PSG9: variants seen among roughly 807,000 people sequenced by gnomAD.
PSG9 encodes pregnancy-specific beta-1-glycoprotein 9.
A neutral mutation model predicts 41.9 loss-of-function variants in PSG9; 49 were observed. The observed-to-expected ratio is 1.17, with a 90% CI of 0.93 to 1.48. The LOEUF (loss-of-function observed/expected upper bound fraction) is 1.48. PSG9 is among the 40% of genes most tolerant of loss of function. PSG9 has a pLI of 0.00. For synonymous variants in PSG9, 263 were observed against 196.8 expected, an observed-to-expected ratio of 1.34 and a Z score of -2.82; for missense variants, 641 against 520.3, an observed-to-expected ratio of 1.23 and a Z score of -2.26.
intron 2 of PSG9, among the ~76,000 whole-genome samples, chr19:43,264,789 A>T (rs1378784930): frequency 1.3e-5 from 2 of 152,122 alleles, no homozygotes; most frequent in Non-Finnish European, 2.9e-5. Context: ...GACTTTTGAG[A>T]TTGTTCAGCT....
At chr19:43,253,861 T>C (rs1312158667) in intron 5 of PSG9, among the ~76,000 whole-genome samples, 1 of 146,530 alleles carries the variant, frequency 6.8e-6, no homozygotes, top group African/African-American at 2.6e-5. Flanking sequence ...TTTCTCTTTC[T>C]TTTTCACAGG....
intron 2 of PSG9, among the ~76,000 whole-genome samples, chr19:43,266,609 A>T (rs1052258929): frequency 2.0e-5 from 3 of 151,830 alleles, no homozygotes; most frequent in African/African-American, 4.8e-5. Context: ...TTTTGCACTG[A>T]CTCTGATGGT....
At position 43,257,453 on chromosome 19, in the gene PSG9, A is replaced by G; in HGVS notation, c.1243+749T>C. 5.1e-6 allele frequency: 5 copies of G among 977,250 alleles called. 1 individual carries two copies. The highest frequency in any genetic ancestry group is 3.6e-6 in the Non-Finnish European group (3 of 827,782). The allele number at this position is 977,250 out of a possible 1,614,324, so 60.5% of individuals were successfully genotyped here. ...AATCTCCCTATTCCTCCAGCTCTGC[A>G]TCAGTCACTGTCCTCCGTGCTGTGT... On this transcript the variant is annotated intron_variant, in intron 5 of 5. Transcript: ENST00000270077.
intron 1 of PSG9, 30 bp from the exon 2 acceptor site, chr19:43,268,179 TTGAGACCTATGTATTGTGG>T (rs1479755955): frequency 6.4e-7 from 1 of 1,569,264 alleles, no homozygotes; most frequent in Admixed American, 1.8e-5. Flanking sequence ...TCAGTTAATA[TTGAGACCTATGTATTGTGG>T]TGAAAAGATG....
chr19:43,267,935 AG>A lies in PSG9; in HGVS notation c.278del (p.Pro93LeufsTer16). On this transcript the variant is annotated frameshift_variant, in exon 2 of 6. Transcript: ENST00000270077. LOFTEE classifies it high-confidence loss of function. ...IVDGKIIIYG[P>X]AYSGRETVYS... ...ATACTGTTTCTCTTCCACTGTATGC[AG>A]GCCCATATATAATTATTTTACCATC... 6.2e-7 allele frequency: 1 copy of A among 1,613,752 alleles called. No individual in the cohort carries two copies. The highest frequency in any genetic ancestry group is 8.5e-7 in the Non-Finnish European group (1 of 1,179,754).
intron 2 of PSG9, 68 bp downstream of exon 2, chr19:43,267,716 A>G: frequency 6.2e-7 from 1 of 1,602,344 alleles, no homozygotes; most frequent in Non-Finnish European, 8.5e-7. Context: ...AGGCCTGACA[A>G]TCCTGTGTGT....
chr19:43,258,066 T>A, intron 5 of PSG9, 136 bp downstream of exon 5: 1 of 1,585,952 alleles, frequency 6.3e-7, no homozygotes, highest in Non-Finnish European at 8.5e-7. Flanking sequence ...ATTGGGAGGG[T>A]TCAGGAGGAG....
Position 43,269,364 on chromosome 19 carries a change from T to G in PSG9, c.64+4A>C. The G allele has an allele frequency of 6.2e-7, 1 of 1,613,460 alleles. No individual in the cohort carries two copies. The highest frequency in any genetic ancestry group is 8.5e-7 in the Non-Finnish European group (1 of 1,179,604). ...TGTCCTCTCCCAGGAAGTTCTCTCC[T>G]CACCTGTGAGCAGGAGCCCCTTCCA... On this transcript the variant is annotated splice_donor_region_variant and intron_variant, in intron 1 of 5. Transcript: ENST00000270077.
intron 3 of PSG9, 40 bp downstream of exon 3, chr19:43,261,820 G>A (rs764715432): frequency 6.2e-7 from 1 of 1,614,026 alleles, no homozygotes; most frequent in Admixed American, 1.7e-5. Context: ...TGTGTATTTG[G>A]GATGGCAGCC....
intron 2 of PSG9, among the ~76,000 whole-genome samples, chr19:43,263,215 G>A (rs1968809481): frequency 6.6e-6 from 1 of 152,136 alleles, no homozygotes; most frequent in Non-Finnish European, 1.5e-5. Context: ...GTTGTTCCGT[G>A]GGTGTGCAGT....
rs1222376994 is a variant in PSG9 at position 43,254,854 on chromosome 19, C to A, written c.1244-1208G>T. ...TTTTAATCCTAGCACTTTGGGAGGT[C>A]ACAGCAGAAGGATTTCTTGAGACCA... is the stretch of plus-strand genomic sequence containing the variant. On this transcript the variant is annotated intron_variant, in intron 5 of 5. Transcript: ENST00000270077. 2.1e-5 allele frequency among the ~76,000 whole-genome samples: 3 copies of A among 145,620 alleles called. 1 individual carries two copies. In the East Asian group the frequency reaches 7.1e-4, roughly 35 times the overall value.
At chr19:43,262,177 C>A (rs765556013) in intron 2 of PSG9, 39 bp from the exon 3 acceptor site, 1 of 1,588,924 alleles carries the variant, frequency 6.3e-7, no homozygotes, top group African/African-American at 1.3e-5. Context: ...CTGTGTGGCA[C>A]CTTTGATTCC....
At chr19:43,258,594 G>C in intron 4 of PSG9, 138 bp from the exon 5 acceptor site, 1 of 1,418,048 alleles carries the variant, frequency 7.1e-7, no homozygotes, top group African/African-American at 1.6e-5. Context: ...TGTTCACTGA[G>C]CTGAAGCCTG....
At chr19:43,265,176 C>T (rs1463399669) in intron 2 of PSG9, among the ~76,000 whole-genome samples, 1 of 152,156 alleles carries the variant, frequency 6.6e-6, no homozygotes, top group East Asian at 1.9e-4. Context: ...AACTAACACC[C>T]TTACTTTGCC....
At chr19:43,265,554 T>C (rs190246432) in intron 2 of PSG9, among the ~76,000 whole-genome samples, 7 of 152,304 alleles carry the variant, frequency 4.6e-5, no homozygotes, top group Non-Finnish European at 8.8e-5. Context: ...ACTCATTTTT[T>C]AGTCCTGTGC....
intron 3 of PSG9, 107 bp downstream of exon 3, chr19:43,261,753 G>C: frequency 1.2e-6 from 2 of 1,612,102 alleles, no homozygotes; most frequent in South Asian, 2.2e-5. Context: ...TGATGTCTAG[G>C]GGTAAAGGTC....
chr19:43,255,261 AG>A (rs1376714576), intron 5 of PSG9, among the ~76,000 whole-genome samples: 1 of 146,808 alleles, frequency 6.8e-6, no homozygotes, highest in Non-Finnish European at 1.5e-5. Flanking sequence ...CAAAAATATG[AG>A]TATAACTATA....
chr19:43,261,593 A>C (rs1968715070), intron 3 of PSG9, among the ~76,000 whole-genome samples: 1 of 152,172 alleles, frequency 6.6e-6, no homozygotes. Context: ...TGCTGTGTTC[A>C]CTGATCTGGA....
rs775425599 is a variant in PSG9 at position 43,267,828 on chromosome 19, T to G, written c.386A>C (p.Asp129Ala). ...ATGTCGAATTTCTTCTCTAGTCTCA[T>G]CACCTCGCTTTATGATGTGTAAGGT... ...TYTLHIIKRG[D>A]ETREEIRHFT... Residue 129 changes from aspartate to alanine, a missense_variant, in exon 2 of 6, where the codon GAT becomes GCT. Coordinates refer to ENST00000270077, the MANE Select transcript of PSG9 (RefSeq NM_002784.5). 1 of 1,613,534 alleles carries G rather than the reference T, an allele frequency of 6.2e-7. No homozygotes were observed. The highest frequency in any genetic ancestry group is 8.5e-7 in the Non-Finnish European group (1 of 1,179,624).
Sources: gnomAD v4.1 joint callset for allele counts (sites outside exome capture counted in the v4.1 genomes callset) on GRCh38, gnomAD v4.1.1 for gene constraint, MANE v1.5 for transcripts, NCBI Gene and HGNC (gene_info 2026-07-23, HGNC 2026-07-21) for gene names.